Variants in SLC7A2 observed in about 807,000 individuals in gnomAD.
The protein encoded by SLC7A2 is cationic amino acid transporter 2.
Under a neutral mutation model 58.9 loss-of-function variants are expected in SLC7A2, and 48 were observed. The observed-to-expected ratio is 0.82, with a 90% CI of 0.65 to 1.04. The LOEUF (loss-of-function observed/expected upper bound fraction) is 1.04. SLC7A2 is among the 50% of genes least tolerant of loss of function. The pLI, the probability that SLC7A2 is intolerant of heterozygous loss-of-function variation, is 0.00. For synonymous variants in SLC7A2, 363 were observed against 314.5 expected, an observed-to-expected ratio of 1.15 and a Z score of -1.63; for missense variants, 1,029 against 818.8, an observed-to-expected ratio of 1.26 and a Z score of -3.13.
At chr8:17,555,101 G>C in intron 8 of SLC7A2, 1 of 1,612,036 alleles carries the variant, frequency 6.2e-7, no homozygotes, top group Non-Finnish European at 8.5e-7. Flanking sequence ...TACAAACTTA[G>C]GTTTCTTGAG....
rs1802437234 is a variant in SLC7A2 at position 17,551,266 on chromosome 8, A to G, written c.833-498A>G. Among the ~76,000 whole-genome samples the G allele has an allele frequency of 2.0e-5, 3 of 152,176 alleles. No individual in the cohort carries two copies. In the South Asian group the frequency reaches 6.2e-4, roughly 32 times the overall value. On this transcript the variant is annotated intron_variant, in intron 6 of 12. Coordinates refer to ENST00000494857, the MANE Select transcript of SLC7A2 (RefSeq NM_001370338.1). ...CCTCTGGGAATCGGATTTTTACGTAATAAGAAAGTACCTTCAAGAATAGAG... is the reference window on the plus strand; with the variant it reads ...CCTCTGGGAATCGGATTTTTACGTAGTAAGAAAGTACCTTCAAGAATAGAG...
Position 17,532,224 on chromosome 8 carries a change from T to A in SLC7A2, c.-22-11094T>A, listed in dbSNP as rs1230265857. ...CAGCCTGGGCAACAGGGCAAGACTCTATCTCAAAAAAAAAAAAAAAAAAAA... is the reference window on the plus strand; with the variant it reads ...CAGCCTGGGCAACAGGGCAAGACTCAATCTCAAAAAAAAAAAAAAAAAAAA... On this transcript the variant is annotated intron_variant, in intron 2 of 12. Coordinates refer to ENST00000494857, the MANE Select transcript of SLC7A2 (RefSeq NM_001370338.1). Among the ~76,000 whole-genome samples the A allele has an allele frequency of 2.8e-4, 21 of 74,660 alleles. No homozygotes were observed. In the Admixed American group the frequency reaches 5.0e-3, roughly 18 times the overall value. 49.0% of individuals were successfully genotyped at this position (74,660 alleles called of 152,430 possible).
intron 2 of SLC7A2, among the ~76,000 whole-genome samples, chr8:17,516,585 TG>T (rs1233879298): frequency 2.6e-5 from 4 of 152,192 alleles, no homozygotes; most frequent in African/African-American, 4.8e-5. Context: ...CAAAGACACA[TG>T]GGTGGTAACT....
intron 2 of SLC7A2, chr8:17,538,698 TA>T: frequency 8.8e-7 from 1 of 1,141,568 alleles, no homozygotes; most frequent in Non-Finnish European, 1.2e-6. Flanking sequence ...CATTGCAAAA[TA>T]AAAAAGATCT....
chr8:17,551,245 T>C (rs1289520306), intron 6 of SLC7A2, among the ~76,000 whole-genome samples: 1 of 152,164 alleles, frequency 6.6e-6, no homozygotes, highest in Non-Finnish European at 1.5e-5. Flanking sequence ...CTTCTCCCTC[T>C]GGGAATCGGA....
Position 17,563,683 on chromosome 8 carries a change from G to A in SLC7A2, c.1752G>A (p.Trp584Ter). ...YLMVQLSADT[W>*]VRFSIWMAIG... ...TGGTCCAGTTAAGTGCAGACACTTG[G>A]GTCAGATTCAGCATTTGGATGGCAA... Residue 584 changes from tryptophan (W) to a stop codon, truncating the protein, a stop_gained, in exon 12 of 13, where the codon TGG (tryptophan) becomes TGA (stop). Coordinates refer to ENST00000494857, the MANE Select transcript of SLC7A2 (RefSeq NM_001370338.1). LOFTEE classifies it high-confidence loss of function. 1.2e-6 allele frequency: 2 copies of A among 1,610,644 alleles called. No homozygotes were observed. The highest frequency in any genetic ancestry group is 8.5e-7 in the Non-Finnish European group (1 of 1,177,408).
chr8:17,556,771 G>T (rs1802725646), intron 8 of SLC7A2, among the ~76,000 whole-genome samples: 1 of 151,956 alleles, frequency 6.6e-6, no homozygotes, highest in African/African-American at 2.4e-5. Context: ...ACCACGCCCA[G>T]CTGATTTTTG....
At chr8:17,535,576 G>A (rs987345612) in intron 2 of SLC7A2, among the ~76,000 whole-genome samples, 1 of 152,168 alleles carries the variant, frequency 6.6e-6, no homozygotes, top group African/African-American at 2.4e-5. Context: ...GTATTTGGGG[G>A]AACGAATAAA....
chr8:17,550,966 C>T (rs977982274), intron 6 of SLC7A2, among the ~76,000 whole-genome samples: 14 of 152,172 alleles, frequency 9.2e-5, no homozygotes, highest in African/African-American at 3.4e-4. Context: ...TATTCAGTCT[C>T]ATTAGTGTAC....
chr8:17,538,876 T>G (rs1319050030), intron 2 of SLC7A2: 1 of 1,613,698 alleles, frequency 6.2e-7, no homozygotes, highest in East Asian at 2.2e-5. Flanking sequence ...TTGTCGAGGG[T>G]TTATTGGAAC....
chr8:17,514,069 A>G (rs1425231670), intron 2 of SLC7A2, among the ~76,000 whole-genome samples: 1 of 152,188 alleles, frequency 6.6e-6, no homozygotes, highest in Non-Finnish European at 1.5e-5. Context: ...CTTCTCTACA[A>G]GGGTATATGG....
intron 2 of SLC7A2, among the ~76,000 whole-genome samples, chr8:17,506,494 C>G (rs1241393909): frequency 6.6e-6 from 1 of 152,152 alleles, no homozygotes; most frequent in East Asian, 1.9e-4. Flanking sequence ...GGACACGTTC[C>G]TTTCTAGCCT....
intron 8 of SLC7A2, among the ~76,000 whole-genome samples, chr8:17,557,313 G>C (rs960222739): frequency 2.6e-5 from 4 of 152,140 alleles, no homozygotes; most frequent in Admixed American, 2.6e-4. Context: ...TGATGTTTCA[G>C]TGGAGAAAAC....
At chr8:17,543,879 G>T (rs1474754023) in intron 3 of SLC7A2, among the ~76,000 whole-genome samples, 164 bp downstream of exon 3, 1 of 151,594 alleles carries the variant, frequency 6.6e-6, no homozygotes, top group Non-Finnish European at 1.5e-5. Flanking sequence ...AATTCTGTGG[G>T]TTTTTTTTAA....
At chr8:17,499,202 C>G (rs1800060358) in intron 1 of SLC7A2, 2 of 152,194 alleles carry the variant, frequency 1.3e-5, no homozygotes, top group Admixed American at 6.6e-5. Flanking sequence ...ATGTTTTTTC[C>G]CAGAAGTCCT....
At chr8:17,557,710 C>A (rs1463325637) in intron 8 of SLC7A2, among the ~76,000 whole-genome samples, 1 of 152,090 alleles carries the variant, frequency 6.6e-6, no homozygotes, top group Non-Finnish European at 1.5e-5. Flanking sequence ...CGCCTGTAGT[C>A]CCAGCTACTC....
intron 1 of SLC7A2, among the ~76,000 whole-genome samples, chr8:17,499,776 GTTAA>G (rs1184492460): frequency 6.6e-6 from 1 of 152,040 alleles, no homozygotes; most frequent in East Asian, 1.9e-4. Flanking sequence ...AATCGAAGCT[GTTAA>G]TTAATTTCTA....
intron 1 of SLC7A2, chr8:17,499,362 T>A (rs1800067856): frequency 6.8e-6 from 1 of 147,492 alleles, no homozygotes; most frequent in African/African-American, 2.5e-5. Flanking sequence ...TCTCTCCCCC[T>A]CTCTCCCTCA....
intron 10 of SLC7A2, among the ~76,000 whole-genome samples, chr8:17,561,318 C>T (rs540837753): frequency 1.6e-4 from 24 of 152,050 alleles, no homozygotes; most frequent in Admixed American, 5.2e-4. Context: ...TGGTGGAAGG[C>T]GAAAGGCACA....
Sources: allele counts gnomAD v4.1 joint callset (sites outside exome capture counted in the v4.1 genomes callset), GRCh38; gene constraint gnomAD v4.1.1; transcripts MANE v1.5; gene names NCBI Gene and HGNC (gene_info 2026-07-23, HGNC 2026-07-21).